CARD14: variants seen among roughly 807,000 people sequenced by gnomAD.
CARD14 encodes caspase recruitment domain-containing protein 14.
Under a neutral mutation model 111.5 loss-of-function variants are expected in CARD14, and 107 were observed. The observed-to-expected ratio is 0.96, with a 90% confidence interval of 0.82 to 1.13. The LOEUF is 1.13. CARD14 is among the 50% of genes most tolerant of loss of function. The pLI, the probability that CARD14 is intolerant of heterozygous loss-of-function variation, is 0.00. For synonymous variants in CARD14, 617 were observed against 579.6 expected, an observed-to-expected ratio of 1.06 and a Z score of -0.93; for missense variants, 1,322 against 1,362.3, an observed-to-expected ratio of 0.97 and a Z score of 0.47.
intron 9 of CARD14, 25 bp from the exon 10 acceptor site, chr17:80,190,749 G>A (rs377344139): frequency 8.4e-5 from 135 of 1,612,688 alleles, no homozygotes; most frequent in South Asian, 2.3e-4. Flanking sequence ...TGAGCTTCAC[G>A]GTCCATGTGT....
chr17:80,183,183 G>A (rs1030281394), intron 6 of CARD14, among the ~76,000 whole-genome samples: 6 of 152,324 alleles, frequency 3.9e-5, no homozygotes, highest in Admixed American at 2.6e-4. Context: ...GCGACAGAGC[G>A]GCCCCGGCCA....
At chr17:80,193,957 C>G (rs1421062403) in intron 12 of CARD14, among the ~76,000 whole-genome samples, 1 of 152,190 alleles carries the variant, frequency 6.6e-6, no homozygotes, top group African/African-American at 2.4e-5. Flanking sequence ...GTGCTCAGAA[C>G]TGGCTCGCCA....
At chr17:80,183,623 G>A (rs1251441567) in intron 6 of CARD14, among the ~76,000 whole-genome samples, 3 of 152,140 alleles carry the variant, frequency 2.0e-5, no homozygotes, top group Non-Finnish European at 2.9e-5. Flanking sequence ...AGCTTTTAAG[G>A]AGACCAGCAG....
intron 9 of CARD14, among the ~76,000 whole-genome samples, 157 bp downstream of exon 9, chr17:80,190,029 C>T (rs1417066099): frequency 6.6e-6 from 1 of 152,062 alleles, no homozygotes; most frequent in Non-Finnish European, 1.5e-5. Context: ...TTTGTCAGCG[C>T]CACCCTAAGC....
At chr17:80,181,905 T>C (rs2040188381) in intron 5 of CARD14, among the ~76,000 whole-genome samples, 1 of 152,224 alleles carries the variant, frequency 6.6e-6, no homozygotes, top group African/African-American at 2.4e-5. Context: ...GGAACCACCA[T>C]TCACACCACT....
chr17:80,174,898 G>A (rs747959373), intron 2 of CARD14, among the ~76,000 whole-genome samples: 16 of 152,256 alleles, frequency 1.1e-4, no homozygotes, highest in South Asian at 6.2e-4. Context: ...TAAGGGTTGC[G>A]CTGGCACCTG....
rs145629077 is a variant in CARD14 at position 80,184,938 on chromosome 17, T to C, written c.675+700T>C. Among the ~76,000 whole-genome samples, 880 of 152,358 alleles carry C rather than the reference T, an allele frequency of 5.8e-3. 6 individuals carry two copies. The highest frequency in any genetic ancestry group is 0.021 in the African/African-American group (860 of 41,584). ...GTGAGGCCTCTGAAACTCAGTGTGTTTCACTCACTTTTCTTTGGGGAGGAT... is the reference window on the plus strand; with the variant it reads ...GTGAGGCCTCTGAAACTCAGTGTGTCTCACTCACTTTTCTTTGGGGAGGAT... On this transcript the variant is annotated intron_variant, in intron 7 of 23. Coordinates refer to ENST00000648509, the MANE Select transcript of CARD14 (RefSeq NM_001366385.1).
chr17:80,176,684 T>A (rs753945518), intron 2 of CARD14, among the ~76,000 whole-genome samples: 2 of 152,144 alleles, frequency 1.3e-5, no homozygotes, highest in African/African-American at 2.4e-5. Context: ...CTGGGCTGAC[T>A]TTATTGCTCG....
chr17:80,182,186 C>G lies in CARD14; in HGVS notation c.212-467C>G, dbSNP rs1483517857. ...CTGGCTGAGAGAGATGGGCTCTGGG[C>G]CCTGGGCGTGGAAGGCCCCGAGGCT... On this transcript the variant is annotated intron_variant, in intron 5 of 23. Transcript: ENST00000648509. This position sits in a 1 kb window ranked among gnomAD's most constrained non-coding sequence, Gnocchi z 4.7. Among the ~76,000 whole-genome samples, 1 of 152,164 alleles carries G rather than the reference C, an allele frequency of 6.6e-6. No homozygotes were observed. Among genetic ancestry groups the G allele is most frequent in the South Asian group, 2.1e-4 (1 of 4,820 alleles).
Position 80,201,989 on chromosome 17 carries a change from A to C in CARD14, c.1978+119A>C. ...GGACCCCCAGAGCCAAGAGAGGATC[A>C]GCCAGGCTGTGCCCCAGGTCCCCAG... On this transcript the variant is annotated intron_variant, in intron 17 of 23. Coordinates refer to ENST00000648509, the MANE Select transcript of CARD14 (RefSeq NM_001366385.1). The surrounding 1 kb of genome is among the most constrained non-coding windows in gnomAD (Gnocchi z 5.0). 1 of 1,391,244 alleles carries C rather than the reference A, an allele frequency of 7.2e-7. No homozygotes were observed. Among genetic ancestry groups the C allele is most frequent in the South Asian group, 1.4e-5 (1 of 71,992 alleles). 86.2% of individuals were successfully genotyped at this position (1,391,244 alleles called of 1,614,324 possible).
At chr17:80,200,662 A>C (rs1390570167) in intron 16 of CARD14, 2 of 152,220 alleles carry the variant, frequency 1.3e-5, no homozygotes, top group Non-Finnish European at 1.5e-5. Context: ...GGATGATTCA[A>C]GCACGTTACA....
In CARD14 at chr17:80,201,651, C is replaced by T. The variant is rs1265734392; in HGVS notation, c.1852-93C>T. 33 of 1,384,482 alleles carry T rather than the reference C, an allele frequency of 2.4e-5. No individual in the cohort carries two copies. Among genetic ancestry groups the T allele is most frequent in the Middle Eastern group, 1.8e-4 (1 of 5,656 alleles). The allele number at this position is 1,384,482 out of a possible 1,614,324, so 85.8% of individuals were successfully genotyped here. A position where few individuals can be genotyped will look rare whatever the true frequency, so the allele number is the denominator to read the frequency against. On this transcript the variant is annotated intron_variant, in intron 16 of 23. Transcript: ENST00000648509. This position sits in a 1 kb window ranked among gnomAD's most constrained non-coding sequence, Gnocchi z 5.0. ...CAGTGGTCCTACGGCAGGGCTGGCCCGCGCCTCGCCTCAGTGCCCTCAGCG... is the reference window on the plus strand; with the variant it reads ...CAGTGGTCCTACGGCAGGGCTGGCCTGCGCCTCGCCTCAGTGCCCTCAGCG...
chr17:80,180,311 T>C (rs972514271), intron 4 of CARD14, among the ~76,000 whole-genome samples: 6 of 152,214 alleles, frequency 3.9e-5, no homozygotes, highest in African/African-American at 1.4e-4. Flanking sequence ...TCAGCCCTGG[T>C]GGTGGCCCCA....
chr17:80,197,264 G>A (rs1363769653), intron 14 of CARD14: 1 of 152,284 alleles, frequency 6.6e-6, no homozygotes, highest in Admixed American at 6.5e-5. Context: ...GCCGGGTGTG[G>A]TGGCTCATGC....
chr17:80,188,431 C>T lies in CARD14; in HGVS notation c.730C>T (p.Leu244=). Residue 244 remains leucine (L), a synonymous_variant, in exon 8 of 24, where the codon CTG becomes TTG. Coordinates refer to ENST00000648509, the MANE Select transcript of CARD14 (RefSeq NM_001366385.1). The surrounding 1 kb of genome is among the most constrained non-coding windows in gnomAD (Gnocchi z 4.5). ...QRANMVSSCE[L]ELQEQSLRTA... is the part of the protein sequence containing the mutation. ...AGCCAACATGGTTTCCTCCTGTGAG[C>T]TGGAATTGCAAGAGCAGTCCCTGAG... 1 of 1,610,462 alleles carries T rather than the reference C, an allele frequency of 6.2e-7. No homozygotes were observed. The highest frequency in any genetic ancestry group is 8.5e-7 in the Non-Finnish European group (1 of 1,178,414).
intron 18 of CARD14, chr17:80,202,703 C>T (rs573481319): frequency 3.5e-5 from 35 of 986,220 alleles, no homozygotes; most frequent in Non-Finnish European, 4.2e-5. Context: ...GCTGGATCCC[C>T]GTCTGTGGTG....
At position 80,192,592 on chromosome 17, in the gene CARD14, C is replaced by T. The variant is rs763493440; in HGVS notation, c.1329C>T (p.Ser443=). Residue 443 remains serine, a synonymous_variant, in exon 12 of 24, where the codon AGC becomes AGT. Coordinates refer to ENST00000648509, the MANE Select transcript of CARD14 (RefSeq NM_001366385.1). ...RMHAICPRDD[S]DCSLVSSTES... ...ATGCCATCTGCCCCAGAGACGACAG[C>T]GACTGCAGCCTCGTCAGCTCCACAG... 2 of 1,613,042 alleles carry T rather than the reference C, an allele frequency of 1.2e-6. No individual in the cohort carries two copies. The highest frequency in any genetic ancestry group is 2.7e-5 in the African/African-American group (2 of 75,048).
In CARD14 at chr17:80,208,394, A is replaced by T. The variant is rs1440229057; in HGVS notation, c.*49A>T. ...TGTGGGGGCTTCTGTGTGCCTGTTAATGCAGTCCTGTTCCTCAGCCCAGGC... is the reference window on the plus strand; with the variant it reads ...TGTGGGGGCTTCTGTGTGCCTGTTATTGCAGTCCTGTTCCTCAGCCCAGGC... On this transcript the variant is annotated 3_prime_UTR_variant, in exon 24 of 24. Coordinates refer to ENST00000648509, the MANE Select transcript of CARD14 (RefSeq NM_001366385.1). 6.8e-7 allele frequency: 1 copy of T among 1,480,068 alleles called. No individual in the cohort carries two copies. The highest frequency in any genetic ancestry group is 1.3e-5 in the South Asian group (1 of 78,770). 91.7% of individuals were successfully genotyped at this position (1,480,068 alleles called of 1,614,324 possible).
intron 16 of CARD14, among the ~76,000 whole-genome samples, chr17:80,199,150 T>G (rs74803109): frequency 6.6e-6 from 1 of 152,130 alleles, no homozygotes; most frequent in South Asian, 2.1e-4. Context: ...AACTTTTTTT[T>G]GTTGTTGTTA....
Sources: gnomAD v4.1 joint callset for allele counts (sites outside exome capture counted in the v4.1 genomes callset) on GRCh38, gnomAD v4.1.1 for gene constraint, Gnocchi (gnomAD v3.1) non-coding constraint, MANE v1.5 for transcripts, NCBI Gene and HGNC (gene_info 2026-07-23, HGNC 2026-07-21) for gene names.